Variants in SLC25A21 observed in about 807,000 individuals in gnomAD.
SLC25A21 encodes the protein mitochondrial 2-oxodicarboxylate carrier.
A neutral mutation model predicts 43.8 loss-of-function variants in SLC25A21; 47 were observed. The ratio of observed to expected loss-of-function variants is 1.07; its 90% CI spans 0.85 to 1.37. The LOEUF is 1.37. SLC25A21 is among the 40% of genes most tolerant of loss of function. The pLI, the probability that SLC25A21 is intolerant of heterozygous loss-of-function variation, is 0.00. For missense variants in SLC25A21, 352 were observed against 350.2 expected (o/e 1.00, Z -0.04); for synonymous variants, 131 against 121.3 (o/e 1.08, Z -0.52).
At chr14:36,714,667 C>A (rs1884046258) in intron 6 of SLC25A21, among the ~76,000 whole-genome samples, 1 of 152,218 alleles carries the variant, frequency 6.6e-6, no homozygotes, top group African/African-American at 2.4e-5. Flanking sequence ...AGCTGGAACA[C>A]AGGAAGTGCT....
intron 1 of SLC25A21, among the ~76,000 whole-genome samples, chr14:37,152,749 G>T (rs1963780761): frequency 6.6e-6 from 1 of 152,118 alleles, no homozygotes; most frequent in African/African-American, 2.4e-5. Flanking sequence ...TTAAAAGACT[G>T]TGTAAAGCAA....
chr14:36,732,067 C>CT, intron 4 of SLC25A21, among the ~76,000 whole-genome samples: 1 of 152,242 alleles, frequency 6.6e-6, no homozygotes. Context: ...CCCTGTTACT[C>CT]TATCTCCACC....
chr14:37,157,832 A>G (rs1004809528), intron 1 of SLC25A21, among the ~76,000 whole-genome samples: 1 of 152,194 alleles, frequency 6.6e-6, no homozygotes, highest in East Asian at 1.9e-4. Flanking sequence ...AATAAAATTG[A>G]TAAACCACTT....
intron 2 of SLC25A21, among the ~76,000 whole-genome samples, chr14:36,848,753 T>A (rs908307636): frequency 6.6e-6 from 1 of 152,224 alleles, no homozygotes; most frequent in African/African-American, 2.4e-5. Flanking sequence ...ACTTATTTAA[T>A]AATTGATAAG....
At chr14:36,901,691 G>T (rs963503593) in intron 1 of SLC25A21, among the ~76,000 whole-genome samples, 5 of 152,110 alleles carry the variant, frequency 3.3e-5, no homozygotes, top group Admixed American at 6.5e-5. Flanking sequence ...GGCATTTGCA[G>T]TACTTAAACT....
intron 1 of SLC25A21, among the ~76,000 whole-genome samples, chr14:36,949,167 G>T (rs1892744199): frequency 6.6e-6 from 1 of 152,170 alleles, no homozygotes. Flanking sequence ...GAGAGATAAT[G>T]ACTTGTCTCA....
At chr14:36,801,735 A>G (rs1887875270) in intron 3 of SLC25A21, among the ~76,000 whole-genome samples, 1 of 152,136 alleles carries the variant, frequency 6.6e-6, no homozygotes, top group Admixed American at 6.6e-5. Flanking sequence ...TTCACTTTAA[A>G]TGTTCTTTTG....
chr14:37,111,354 G>A (rs550274828), intron 1 of SLC25A21, among the ~76,000 whole-genome samples: 2 of 152,202 alleles, frequency 1.3e-5, no homozygotes, highest in East Asian at 1.9e-4. Context: ...GGTGATTATG[G>A]ATGGATGACA....
intron 3 of SLC25A21, chr14:36,806,878 AAC>A (rs1191590006): frequency 6.6e-6 from 1 of 152,246 alleles, no homozygotes; most frequent in African/African-American, 2.4e-5. Flanking sequence ...GCCATGGCTG[AAC>A]TCTGGCAGTG....
intron 5 of SLC25A21, among the ~76,000 whole-genome samples, chr14:36,727,104 T>C (rs1337507529): frequency 6.6e-6 from 1 of 152,110 alleles, no homozygotes; most frequent in Non-Finnish European, 1.5e-5. Context: ...CCAAGGGTGC[T>C]TGGAGGCTGG....
intron 1 of SLC25A21, among the ~76,000 whole-genome samples, chr14:36,911,490 C>T (rs1004809077): frequency 5.3e-5 from 8 of 152,146 alleles, no homozygotes; most frequent in African/African-American, 1.4e-4. Context: ...GGCTTGGCCA[C>T]GTGACTTGCT....
chr14:36,955,234 A>G (rs545917053), intron 1 of SLC25A21, among the ~76,000 whole-genome samples: 1 of 152,338 alleles, frequency 6.6e-6, no homozygotes, highest in African/African-American at 2.4e-5. Flanking sequence ...TATAATCATC[A>G]AAAAAGAAGA....
chr14:37,130,234 T>A (rs1474832188), intron 1 of SLC25A21, among the ~76,000 whole-genome samples: 1 of 152,128 alleles, frequency 6.6e-6, no homozygotes, highest in Non-Finnish European at 1.5e-5. Context: ...TCTGTACTTG[T>A]GCTTTTGTGA....
At chr14:36,681,823 T>C (rs184829223) in intron 9 of SLC25A21, among the ~76,000 whole-genome samples, 1 of 152,156 alleles carries the variant, frequency 6.6e-6, no homozygotes, top group Non-Finnish European at 1.5e-5. Context: ...TTTTAACCCA[T>C]GAAGATACTC....
intron 1 of SLC25A21, among the ~76,000 whole-genome samples, chr14:36,951,764 G>T (rs186615357): frequency 6.6e-6 from 1 of 152,072 alleles, no homozygotes; most frequent in Non-Finnish European, 1.5e-5. Context: ...TTCTAATACA[G>T]GCTTCTAGGT....
intron 1 of SLC25A21, among the ~76,000 whole-genome samples, chr14:37,027,552 A>G (rs1289228419): frequency 1.3e-5 from 2 of 152,186 alleles, no homozygotes; most frequent in African/African-American, 4.8e-5. Flanking sequence ...GCTGAAGCAG[A>G]GGCTCCCACA....
At chr14:37,119,327 T>G (rs1370430003) in intron 1 of SLC25A21, among the ~76,000 whole-genome samples, 1 of 152,064 alleles carries the variant, frequency 6.6e-6, no homozygotes, top group Admixed American at 6.5e-5. Flanking sequence ...GGCAGGTGGA[T>G]CACTTGAGGT....
chr14:37,129,663 G>C (rs1963359283), intron 1 of SLC25A21, among the ~76,000 whole-genome samples: 1 of 145,096 alleles, frequency 6.9e-6, no homozygotes, highest in Non-Finnish European at 1.5e-5. Flanking sequence ...TAACCATTAA[G>C]TAACAGTTAT....
At chr14:37,042,402 C>T (rs1961492645) in intron 1 of SLC25A21, among the ~76,000 whole-genome samples, 1 of 152,130 alleles carries the variant, frequency 6.6e-6, no homozygotes, top group Non-Finnish European at 1.5e-5. Context: ...AAACAATAAA[C>T]TTAATTTTAC....
Sources: allele counts gnomAD v4.1 joint callset (sites outside exome capture counted in the v4.1 genomes callset), GRCh38; gene constraint gnomAD v4.1.1; transcripts MANE v1.5; gene names NCBI Gene and HGNC (gene_info 2026-07-23, HGNC 2026-07-21).